SEMA6D: variants seen among roughly 807,000 people sequenced by gnomAD.
SEMA6D encodes semaphorin 6D, also known as semaphorin-6D.
A neutral mutation model predicts 106.6 loss-of-function variants in SEMA6D; 35 were observed. The ratio of observed to expected loss-of-function variants is 0.33; its 90% confidence interval spans 0.25 to 0.44. SEMA6D has a LOEUF of 0.44. Among genes scored for constraint, SEMA6D ranks in the 20% least tolerant of loss-of-function variants. The pLI is 1.00. For missense variants in SEMA6D, 1,185 were observed against 1,345.9 expected (o/e 0.88, Z 1.87); for synonymous variants, 499 against 487.7 (o/e 1.02, Z -0.31).
intron 3 of SEMA6D, chr15:47,527,875 G>A (rs2044815439): frequency 6.6e-6 from 1 of 152,118 alleles, no homozygotes; most frequent in Non-Finnish European, 1.5e-5. Context: ...CAGATTTCAA[G>A]ATATTGCATG....
intron 3 of SEMA6D, among the ~76,000 whole-genome samples, chr15:47,600,451 C>A (rs1185938532): frequency 6.6e-6 from 1 of 152,004 alleles, no homozygotes; most frequent in Non-Finnish European, 1.5e-5. Context: ...CTGCCTCAGC[C>A]CAAACAAATG....
chr15:47,442,909 A>G (rs942790347), intron 2 of SEMA6D, among the ~76,000 whole-genome samples: 1 of 152,148 alleles, frequency 6.6e-6, no homozygotes, highest in African/African-American at 2.4e-5. Context: ...ATCAACTAGA[A>G]GTATTACTTA....
chr15:47,231,683 T>C (rs1224188858), intron 1 of SEMA6D, among the ~76,000 whole-genome samples: 2 of 152,078 alleles, frequency 1.3e-5, no homozygotes. Context: ...CATAAAACTG[T>C]GCCCCAGCAG....
intron 1 of SEMA6D, among the ~76,000 whole-genome samples, chr15:47,305,483 G>C (rs536634574): frequency 6.6e-6 from 1 of 152,336 alleles, no homozygotes; most frequent in East Asian, 1.9e-4. Context: ...AAGAGAGCAA[G>C]AAGAGCATTC....
chr15:47,209,454 A>T (rs139462604), intron 1 of SEMA6D, among the ~76,000 whole-genome samples: 34 of 152,330 alleles, frequency 2.2e-4, no homozygotes, highest in Non-Finnish European at 3.8e-4. Context: ...ACAAGTATCA[A>T]CCATCCAATA....
chr15:47,338,948 A>G (rs1008158191), intron 1 of SEMA6D: 2 of 152,340 alleles, frequency 1.3e-5, no homozygotes, highest in Middle Eastern at 3.4e-3. Flanking sequence ...CATAGAAAGG[A>G]CAAGAAAAAT....
At chr15:47,530,262 A>G (rs1018306924) in intron 3 of SEMA6D, among the ~76,000 whole-genome samples, 1 of 152,234 alleles carries the variant, frequency 6.6e-6, no homozygotes, top group Admixed American at 6.5e-5. Context: ...TCATGTTTTT[A>G]AAATCTTCCC....
At chr15:47,557,039 A>G (rs1470468177) in intron 3 of SEMA6D, among the ~76,000 whole-genome samples, 4 of 152,180 alleles carry the variant, frequency 2.6e-5, no homozygotes, top group Non-Finnish European at 4.4e-5. Context: ...AATGTAGAGC[A>G]TCTGATAGAG....
intron 1 of SEMA6D, among the ~76,000 whole-genome samples, chr15:47,196,097 C>G (rs143261761): frequency 1.4e-4 from 21 of 152,048 alleles, no homozygotes; most frequent in Admixed American, 4.6e-4. Context: ...CCAGCATAGC[C>G]CACACGTTGT....
intron 1 of SEMA6D, among the ~76,000 whole-genome samples, chr15:47,732,678 A>G (rs562827903): frequency 6.6e-6 from 1 of 152,308 alleles, no homozygotes; most frequent in East Asian, 1.9e-4. Context: ...CATTAAACAC[A>G]TTTGTGAATG....
intron 2 of SEMA6D, among the ~76,000 whole-genome samples, chr15:47,459,287 G>A (rs766504090): frequency 1.3e-5 from 2 of 152,046 alleles, no homozygotes; most frequent in Non-Finnish European, 2.9e-5. Flanking sequence ...ACAACAGCCT[G>A]TAGAAAGCCA....
intron 17 of SEMA6D, 138 bp downstream of exon 17, chr15:47,767,231 A>G (rs889353289): frequency 5.4e-6 from 3 of 560,022 alleles, no homozygotes; most frequent in Non-Finnish European, 9.5e-6. Context: ...CACTGATGGT[A>G]CCAAAAGACT....
chr15:47,664,780 A>G (rs888477387), intron 4 of SEMA6D, among the ~76,000 whole-genome samples: 21 of 152,332 alleles, frequency 1.4e-4, no homozygotes, highest in Admixed American at 4.6e-4. Flanking sequence ...AAAGTTTTCA[A>G]GCTTTCTCTT....
At chr15:47,213,398 T>G (rs2030237139) in intron 1 of SEMA6D, among the ~76,000 whole-genome samples, 1 of 152,230 alleles carries the variant, frequency 6.6e-6, no homozygotes, top group African/African-American at 2.4e-5. Flanking sequence ...GCTACCACAT[T>G]GGACAGCACA....
chr15:47,730,158 C>A, intron 1 of SEMA6D: 1 of 1,490,788 alleles, frequency 6.7e-7, no homozygotes, highest in Non-Finnish European at 9.2e-7. Context: ...AATTTAGTGG[C>A]AAGTTCTTTA....
intron 1 of SEMA6D, among the ~76,000 whole-genome samples, chr15:47,265,808 G>A (rs950583496): frequency 2.6e-5 from 4 of 151,942 alleles, no homozygotes; most frequent in Non-Finnish European, 4.4e-5. Flanking sequence ...GAGACTGGCT[G>A]GATTATTTTA....
intron 1 of SEMA6D, among the ~76,000 whole-genome samples, chr15:47,339,876 G>A (rs376812258): frequency 8.3e-4 from 126 of 151,214 alleles, no homozygotes; most frequent in African/African-American, 2.9e-3. Context: ...AAGAAAGAAG[G>A]AAAGAGAGAG....
In SEMA6D at chr15:47,771,153, T is replaced by G; in HGVS notation, c.2590T>G (p.Ser864Ala). The G allele has an allele frequency of 2.5e-6, 4 of 1,614,026 alleles. No individual in the cohort carries two copies. Among genetic ancestry groups the G allele is most frequent in the Non-Finnish European group, 3.4e-6 (4 of 1,179,978 alleles). ...QNIDHPLTKS[S>A]SKRDHRRSVD... ...CATTGATCACCCTCTCACAAAGTCA[T>G]CCAGTAAGAGAGATCACCGGCGTTC... Residue 864 changes from serine (S) to alanine (A), a missense_variant, in exon 19 of 19, where the codon TCC (serine) becomes GCC (alanine). By Grantham distance (99) the Ser-to-Ala change is moderately conservative. This residue lies in a region of SEMA6D where 750 missense variants were observed against 783.5 expected (regional missense o/e 0.96). Transcript: ENST00000536845.
intron 1 of SEMA6D, among the ~76,000 whole-genome samples, chr15:47,373,789 T>C (rs1255775894): frequency 6.6e-6 from 1 of 152,236 alleles, no homozygotes; most frequent in African/African-American, 2.4e-5. Context: ...TGTTTTCTAA[T>C]TGTTACCAAA....
Sources: gnomAD v4.1 joint callset for allele counts (sites outside exome capture counted in the v4.1 genomes callset) on GRCh38, gnomAD v4.1.1 for gene constraint, gnomAD v4.1.1 regional missense constraint, MANE v1.5 for transcripts, NCBI Gene and HGNC (gene_info 2026-07-23, HGNC 2026-07-21) for gene names.